The following COMMD10 variants were observed in gnomAD, a reference collection of about 807,000 sequenced individuals.
The protein encoded by COMMD10 is COMM domain containing 10.
A neutral mutation model predicts 28.9 loss-of-function variants in COMMD10; 33 were observed. That is an observed-to-expected ratio of 1.14 (90% CI 0.87 to 1.53). The LOEUF is 1.53. Ranked by LOEUF, COMMD10 falls within the 40% of genes most tolerant of loss-of-function variation. The pLI, the probability that COMMD10 is intolerant of heterozygous loss-of-function variation, is 0.00. For synonymous variants in COMMD10, 110 were observed against 81.7 expected (o/e 1.35, Z -1.87); for missense variants, 310 against 233.4 (o/e 1.33, Z -2.14).
At chr5:116,143,068 G>T (rs867078519) in intron 5 of COMMD10, among the ~76,000 whole-genome samples, 19 of 91,450 alleles carry the variant, frequency 2.1e-4, no homozygotes, top group South Asian at 3.7e-4. Flanking sequence ...GTGTGTTTTT[G>T]GTTTTTTTTT....
intron 5 of COMMD10, among the ~76,000 whole-genome samples, chr5:116,202,148 G>C (rs1333650788): frequency 6.7e-6 from 1 of 149,320 alleles, no homozygotes; most frequent in Non-Finnish European, 1.5e-5. Context: ...TTGTTTTTTT[G>C]TCCTCGCGAT....
intron 5 of COMMD10, among the ~76,000 whole-genome samples, chr5:116,196,333 C>T (rs911131447): frequency 2.6e-5 from 4 of 151,826 alleles, no homozygotes; most frequent in South Asian, 2.1e-4. Flanking sequence ...CAGTGGACTT[C>T]GAGGACTTGG....
At chr5:116,126,580 T>G (rs190235613) in intron 4 of COMMD10, among the ~76,000 whole-genome samples, 1 of 148,644 alleles carries the variant, frequency 6.7e-6, no homozygotes, top group Non-Finnish European at 1.5e-5. Flanking sequence ...AACAGAGATA[T>G]AGACCAATGG....
rs543762073 is a variant in COMMD10, at chr5:116,196,636, A to T, written c.510+62458A>T. On this transcript the variant is annotated intron_variant, in intron 5 of 6. Transcript: ENST00000274458. Reference sequence around the variant, plus strand: ...ATGTTTTACTGGTGCTTTTTTTTTTAAAAAAAGAAAAATGTTTATTATTTA... The same window carrying T: ...ATGTTTTACTGGTGCTTTTTTTTTTTAAAAAAGAAAAATGTTTATTATTTA... 5.2e-3 allele frequency among the ~76,000 whole-genome samples: 785 copies of T among 150,322 alleles called. 3 individuals carry two copies. The highest frequency in any genetic ancestry group is 7.7e-3 in the Non-Finnish European group (520 of 67,772).
intron 4 of COMMD10, among the ~76,000 whole-genome samples, chr5:116,128,057 A>G (rs1468559884): frequency 2.0e-5 from 3 of 152,122 alleles, no homozygotes; most frequent in Admixed American, 2.0e-4. Flanking sequence ...GCTGTGGGAC[A>G]TAGTCGAAAA....
At chr5:116,193,745 C>T (rs143296570) in intron 5 of COMMD10, among the ~76,000 whole-genome samples, 9 of 151,954 alleles carry the variant, frequency 5.9e-5, no homozygotes, top group South Asian at 2.1e-4. Flanking sequence ...ACTCCACTGA[C>T]GGTACTAGAC....
chr5:116,133,139 A>G (rs1751913561), intron 4 of COMMD10, among the ~76,000 whole-genome samples: 1 of 152,136 alleles, frequency 6.6e-6, no homozygotes, highest in Non-Finnish European at 1.5e-5. Flanking sequence ...GTTTTACTAA[A>G]TCTATTATTA....
At position 116,094,844 on chromosome 5, in the gene COMMD10, AAG is replaced by A. The variant is rs1449426009; in HGVS notation, c.399+2149_399+2150del. Among the ~76,000 whole-genome samples the A allele has an allele frequency of 2.6e-5, 4 of 152,238 alleles. No homozygotes were observed. In the East Asian group the frequency reaches 5.8e-4, roughly 22 times the overall value. ...ACACTGGAATAATATTCAACCATAA[AAG>A]AGAGTGAAATGTTGTTTGCAGCAAC... is the stretch of plus-strand genomic sequence containing the variant. On this transcript the variant is annotated intron_variant, in intron 4 of 6. Transcript: ENST00000274458.
chr5:116,191,821 G>C (rs1043082200), intron 5 of COMMD10, among the ~76,000 whole-genome samples: 1 of 151,994 alleles, frequency 6.6e-6, no homozygotes, highest in African/African-American at 2.4e-5. Flanking sequence ...CCACCTCCTG[G>C]CAGGAGGCCA....
At chr5:116,199,232 A>G (rs919284719) in intron 5 of COMMD10, among the ~76,000 whole-genome samples, 14 of 151,910 alleles carry the variant, frequency 9.2e-5, no homozygotes, top group African/African-American at 3.4e-4. Flanking sequence ...ATCTTTTTAT[A>G]TATTTATTTG....
intron 5 of COMMD10, among the ~76,000 whole-genome samples, chr5:116,233,532 G>A (rs553446542): frequency 1.2e-4 from 18 of 152,060 alleles, no homozygotes; most frequent in Non-Finnish European, 2.6e-4. Context: ...AAAACAACTA[G>A]GTTGTCTAAT....
At chr5:116,146,533 G>A (rs1422336594) in intron 5 of COMMD10, among the ~76,000 whole-genome samples, 1 of 151,904 alleles carries the variant, frequency 6.6e-6, no homozygotes, top group African/African-American at 2.4e-5. Context: ...GTTTTCTTAT[G>A]AGTAATTTGC....
chr5:116,265,818 A>G (rs1455915393), intron 5 of COMMD10, among the ~76,000 whole-genome samples: 1 of 151,802 alleles, frequency 6.6e-6, no homozygotes, highest in Non-Finnish European at 1.5e-5. Flanking sequence ...GACTGGCTTA[A>G]AACACATGCA....
intron 5 of COMMD10, among the ~76,000 whole-genome samples, chr5:116,191,588 C>T (rs1158466182): frequency 6.6e-6 from 1 of 152,038 alleles, no homozygotes; most frequent in African/African-American, 2.4e-5. Context: ...GTACACAGCT[C>T]TAGTGACCTG....
At chr5:116,253,699 C>T (rs1203491594) in intron 5 of COMMD10, among the ~76,000 whole-genome samples, 10 of 148,402 alleles carry the variant, frequency 6.7e-5, no homozygotes, top group African/African-American at 2.6e-5. Context: ...TTTGGTTTGC[C>T]AGTATTTTAT....
intron 5 of COMMD10, among the ~76,000 whole-genome samples, chr5:116,166,036 T>C (rs567164725): frequency 6.6e-6 from 1 of 152,290 alleles, no homozygotes; most frequent in South Asian, 2.1e-4. Context: ...AGTGTCATCC[T>C]CAACTATCCT....
At chr5:116,241,717 A>G (rs1466003811) in intron 5 of COMMD10, among the ~76,000 whole-genome samples, 2 of 151,974 alleles carry the variant, frequency 1.3e-5, no homozygotes, top group African/African-American at 4.8e-5. Context: ...GGTTCTCGCC[A>G]TTCTTCTGCC....
At chr5:116,135,992 T>C (rs565450819) in intron 5 of COMMD10, among the ~76,000 whole-genome samples, 39 of 152,198 alleles carry the variant, frequency 2.6e-4, no homozygotes, top group Non-Finnish European at 4.3e-4. Context: ...GTAAAGTGTT[T>C]AGTCCAGTGC....
chr5:116,133,989 C>A, intron 4 of COMMD10, 79 bp from the exon 5 acceptor site: 1 of 834,894 alleles, frequency 1.2e-6, no homozygotes, highest in Non-Finnish European at 2.1e-6. Context: ...TACATTCCTG[C>A]TGAGTGGAGA....
Sources: gnomAD v4.1 joint callset for allele counts (sites outside exome capture counted in the v4.1 genomes callset) on GRCh38, gnomAD v4.1.1 for gene constraint, MANE v1.5 for transcripts, NCBI Gene and HGNC (gene_info 2026-07-23, HGNC 2026-07-21) for gene names.